The following SDK1 variants were observed in gnomAD, a reference collection of about 807,000 sequenced individuals.
The protein encoded by SDK1 is sidekick cell adhesion molecule 1, also known as protein sidekick-1.
In SDK1, 157 loss-of-function variants were observed where a neutral mutation model predicts 245.5. The ratio of observed to expected loss-of-function variants is 0.64; its 90% CI spans 0.56 to 0.73. The LOEUF is 0.73. Ranked by LOEUF, SDK1 falls within the 30% of genes least tolerant of loss-of-function variation. The pLI is 0.00. For synonymous variants in SDK1, 1,647 were observed against 1,278.5 expected (o/e 1.29, Z -6.15); for missense variants, 3,583 against 3,002.3 (o/e 1.19, Z -4.52).
At chr7:4,257,111 C>T (rs537905458) in intron 44 of SDK1, among the ~76,000 whole-genome samples, 7 of 152,282 alleles carry the variant, frequency 4.6e-5, no homozygotes, top group South Asian at 2.1e-4. Flanking sequence ...AGATTGTTTT[C>T]GAAATCCAAA....
chr7:3,482,020 A>C (rs1307236287), intron 1 of SDK1, among the ~76,000 whole-genome samples: 1 of 141,824 alleles, frequency 7.1e-6, no homozygotes, highest in African/African-American at 2.6e-5. Context: ...TAATAATCAA[A>C]ACATATAAAA....
intron 4 of SDK1, among the ~76,000 whole-genome samples, chr7:3,792,382 A>G (rs376559182): frequency 6.6e-5 from 10 of 152,190 alleles, no homozygotes; most frequent in African/African-American, 2.2e-4. Context: ...TGAACATTAG[A>G]TAATTAATTT....
At chr7:3,395,336 T>C (rs992797042) in intron 1 of SDK1, among the ~76,000 whole-genome samples, 3 of 151,956 alleles carry the variant, frequency 2.0e-5, no homozygotes, top group African/African-American at 7.2e-5. Context: ...TGGCTTATCA[T>C]CTTTTTTTAT....
chr7:3,357,460 C>T (rs1305463445), intron 1 of SDK1, among the ~76,000 whole-genome samples: 2 of 148,898 alleles, frequency 1.3e-5, no homozygotes, highest in Non-Finnish European at 3.0e-5. Context: ...AGGTGATCTT[C>T]CCACCTCAGT....
At chr7:3,584,418 C>A (rs988755242) in intron 1 of SDK1, among the ~76,000 whole-genome samples, 1 of 152,114 alleles carries the variant, frequency 6.6e-6, no homozygotes, top group African/African-American at 2.4e-5. Context: ...ATTGAGCTTT[C>A]ACTTCGTTTC....
intron 1 of SDK1, among the ~76,000 whole-genome samples, chr7:3,454,086 C>G (rs1275634452): frequency 1.3e-5 from 2 of 152,040 alleles, no homozygotes; most frequent in African/African-American, 2.4e-5. Context: ...AACTTATTTC[C>G]TATTCACAGT....
chr7:3,435,321 C>CTTTTTTTTTTTTTTTTT lies in SDK1; in HGVS notation c.298+133448_298+133464dup, dbSNP rs71029672. ...ATACTTGACTTATGAAGGGGACTGCCTTTTTTTTTTTTTTTTTTTTTTTTT... is the reference window on the plus strand; with the variant it reads ...ATACTTGACTTATGAAGGGGACTGCCTTTTTTTTTTTTTTTTTTTTTTTTTTTTTTTTTTTTTTTTTT... On this transcript the variant is annotated intron_variant, in intron 1 of 44. Transcript: ENST00000404826. 9.8e-4 allele frequency among the ~76,000 whole-genome samples: 56 copies of CTTTTTTTTTTTTTTTTT among 56,900 alleles called. 8 individuals are homozygous for CTTTTTTTTTTTTTTTTT. Among genetic ancestry groups the CTTTTTTTTTTTTTTTTT allele is most frequent in the African/African-American group, 2.1e-3 (23 of 10,994 alleles). 37.3% of individuals were successfully genotyped at this position (56,900 alleles called of 152,430 possible).
chr7:4,245,625 G>T, intron 43 of SDK1, 51 bp from the exon 44 acceptor site: 1 of 1,597,790 alleles, frequency 6.3e-7, no homozygotes, highest in African/African-American at 1.3e-5. Context: ...GTCCTCCGGG[G>T]AAGGGCGTCT....
At chr7:4,242,039 C>A in intron 43 of SDK1, 126 bp downstream of exon 43, 2 of 1,130,884 alleles carry the variant, frequency 1.8e-6, no homozygotes, top group Non-Finnish European at 2.5e-6. Flanking sequence ...ACCCAACCCA[C>A]CGCCAAGTGC....
rs142587689 is a variant in SDK1 at position 4,074,650 on chromosome 7, C to T, written c.3011-2348C>T. Among the ~76,000 whole-genome samples the T allele has an allele frequency of 1.1e-3, 170 of 151,780 alleles. 2 individuals are homozygous for T. In the East Asian group the frequency reaches 0.03, roughly 27 times the overall value. On this transcript the variant is annotated intron_variant, in intron 20 of 44. Transcript: ENST00000404826. ...CCACGGTGGGAGGATCGCTTGATAC[C>T]AGGAGTTTGAGACCAGCCTGGGCAA...
intron 1 of SDK1, among the ~76,000 whole-genome samples, chr7:3,584,410 T>C (rs559907934): frequency 6.6e-6 from 1 of 152,106 alleles, no homozygotes; most frequent in Non-Finnish European, 1.5e-5. Flanking sequence ...TTATTCTGAT[T>C]GAGCTTTCAC....
chr7:3,704,216 T>A (rs1320741625), intron 4 of SDK1, among the ~76,000 whole-genome samples: 1 of 152,122 alleles, frequency 6.6e-6, no homozygotes, highest in East Asian at 1.9e-4. Context: ...GCCAAAGACG[T>A]TATTTTGTTC....
intron 44 of SDK1, 97 bp downstream of exon 44, chr7:4,245,902 CAT>C: frequency 7.0e-7 from 1 of 1,428,984 alleles, no homozygotes; most frequent in Non-Finnish European, 9.7e-7. Flanking sequence ...ATTTGAGTCT[CAT>C]AACATCCCCA....
chr7:4,208,060 TC>T (rs776733813), intron 36 of SDK1, 38 bp from the exon 37 acceptor site: 1 of 1,533,800 alleles, frequency 6.5e-7, no homozygotes, highest in East Asian at 2.3e-5. Context: ...CTGGAAGGCT[TC>T]CCCAGGACCC....
At chr7:4,253,959 C>G (rs1787468590) in intron 44 of SDK1, among the ~76,000 whole-genome samples, 1 of 151,642 alleles carries the variant, frequency 6.6e-6, no homozygotes, top group African/African-American at 2.4e-5. Flanking sequence ...TTTTGATTTC[C>G]TTGTTTTTGC....
chr7:4,145,157 C>T (rs1779873637), intron 28 of SDK1, among the ~76,000 whole-genome samples: 6 of 152,092 alleles, frequency 3.9e-5, no homozygotes, highest in Admixed American at 1.3e-4. Flanking sequence ...GGCGGAGCTG[C>T]TCGGGAGGGG....
intron 4 of SDK1, among the ~76,000 whole-genome samples, chr7:3,705,486 ATTTTATT>A (rs1784860283): frequency 3.5e-5 from 4 of 115,274 alleles, no homozygotes; most frequent in African/African-American, 8.5e-5. Context: ...ATTTTATTTT[ATTTTATT>A]TTTTATTTTA....
intron 5 of SDK1, among the ~76,000 whole-genome samples, chr7:3,934,905 C>T (rs79035276): frequency 8.1e-4 from 124 of 152,306 alleles, no homozygotes; most frequent in South Asian, 2.9e-3. Context: ...TGGTGAGCAG[C>T]GAGGTTCAGC....
At chr7:4,133,518 G>A (rs1355178672) in intron 28 of SDK1, among the ~76,000 whole-genome samples, 1 of 152,232 alleles carries the variant, frequency 6.6e-6, no homozygotes, top group Non-Finnish European at 1.5e-5. Flanking sequence ...TCTGGGTGGG[G>A]TCTCTGTGGG....
Sources: allele counts gnomAD v4.1 joint callset (sites outside exome capture counted in the v4.1 genomes callset), GRCh38; gene constraint gnomAD v4.1.1; transcripts MANE v1.5; gene names NCBI Gene and HGNC (gene_info 2026-07-23, HGNC 2026-07-21).